Variants in MYH4 observed in about 807,000 individuals in gnomAD.
The protein encoded by MYH4 is myosin heavy chain 4, also known as myosin-4.
Under a neutral mutation model 229.9 loss-of-function variants are expected in MYH4, and 200 were observed. The ratio of observed to expected loss-of-function variants is 0.87; its 90% CI spans 0.78 to 0.98. MYH4 has a LOEUF of 0.98. Among genes scored for constraint, MYH4 ranks in the 50% least tolerant of loss-of-function variants. The probability of loss-of-function intolerance (pLI) is 0.00; values close to 1 mark genes in which losing one functional copy is unlikely to be tolerated. For missense variants in MYH4, 2,148 were observed against 2,332.6 expected, an observed-to-expected ratio of 0.92 and a Z score of 1.63; for synonymous variants, 761 against 834.6, an observed-to-expected ratio of 0.91 and a Z score of 1.52.
chr17:10,447,592 C>T (rs1430522702), intron 34 of MYH4, among the ~76,000 whole-genome samples: 1 of 152,180 alleles, frequency 6.6e-6, no homozygotes, highest in Non-Finnish European at 1.5e-5. Flanking sequence ...TCCTCTATCT[C>T]CCTACCCCTC....
In MYH4 at chr17:10,465,713, T is replaced by G. The variant is rs2072756553; in HGVS notation, c.349-115A>C. The stretch of plus-strand genomic sequence containing the variant: ...AGTACTGTGTTAGTTCTCATAAAGT[T>G]TCATTCATTTGTTGCCTCCTTCCAT... On this transcript the variant is annotated intron_variant, in intron 4 of 39. Coordinates refer to ENST00000255381, the MANE Select transcript of MYH4 (RefSeq NM_017533.2). 6.7e-6 allele frequency: 9 copies of G among 1,345,634 alleles called. No individual in the cohort carries two copies. In the South Asian group the frequency reaches 1.4e-4, roughly 20 times the overall value. 83.4% of individuals were successfully genotyped at this position (1,345,634 alleles called of 1,614,324 possible). A position where few individuals can be genotyped will look rare whatever the true frequency, so the allele number is the denominator to read the frequency against.
chr17:10,459,177 A>G lies in MYH4; in HGVS notation c.1587+74T>C, dbSNP rs556935264. 74 of 1,610,196 alleles carry G rather than the reference A, an allele frequency of 4.6e-5. No homozygotes were observed. The African/African-American group carries it at 8.3e-4, about 18-fold the overall frequency. Reference sequence around the variant, plus strand: ...ACAGCACTGCTTGTTCTTTGAGAACAGGGAGTGTGATTAAGCACAGGGAGG... The same window carrying G: ...ACAGCACTGCTTGTTCTTTGAGAACGGGGAGTGTGATTAAGCACAGGGAGG... On this transcript the variant is annotated intron_variant, in intron 15 of 39. Coordinates refer to ENST00000255381, the MANE Select transcript of MYH4 (RefSeq NM_017533.2).
In MYH4 at chr17:10,463,112, G is replaced by A; in HGVS notation, c.882C>T (p.Ser294=). The A allele has an allele frequency of 6.2e-7, 1 of 1,613,070 alleles. No homozygotes were observed. Among genetic ancestry groups the A allele is most frequent in the South Asian group, 1.1e-5 (1 of 91,016 alleles). ...TACCAATGAGCTCTGGTTTCTTATTGGACAGGATTTGATAAAATATGTGGT... is the reference window on the plus strand; with the variant it reads ...TACCAATGAGCTCTGGTTTCTTATTAGACAGGATTTGATAAAATATGTGGT... The part of the protein sequence containing the change: ...RSYHIFYQIL[S]NKKPELIEML... The change falls in exon 10 of 40, where the codon TCC becomes TCT. Residue 294 remains serine (S), a synonymous_variant. Coordinates refer to ENST00000255381, the MANE Select transcript of MYH4 (RefSeq NM_017533.2).
At chr17:10,467,303 T>G (rs1002498529) in intron 2 of MYH4, among the ~76,000 whole-genome samples, 1 of 152,340 alleles carries the variant, frequency 6.6e-6, no homozygotes, top group Admixed American at 6.5e-5. Flanking sequence ...TAAAATTGAA[T>G]GTAGACAGAT....
intron 30 of MYH4, among the ~76,000 whole-genome samples, chr17:10,449,876 T>A: frequency 6.6e-6 from 1 of 152,192 alleles, no homozygotes; most frequent in East Asian, 1.9e-4. Context: ...ACTACTGAGA[T>A]AAATTAAATT....
Position 10,447,745 on chromosome 17 carries a change from G to T in MYH4, c.4965+73C>A, listed in dbSNP as rs1020526783. ...AGGTGATTTATGACACATAGTCCTCGTAAAACATTAAAATTTGAGTTACAC... is the reference window on the plus strand; with the variant it reads ...AGGTGATTTATGACACATAGTCCTCTTAAAACATTAAAATTTGAGTTACAC... On this transcript the variant is annotated intron_variant, in intron 34 of 39. Coordinates refer to ENST00000255381, the MANE Select transcript of MYH4 (RefSeq NM_017533.2). The T allele has an allele frequency of 2.8e-6, 4 of 1,411,200 alleles. No individual in the cohort carries two copies. In the African/African-American group the frequency reaches 5.7e-5, roughly 20 times the overall value. 87.4% of individuals were successfully genotyped at this position (1,411,200 alleles called of 1,614,324 possible).
At chr17:10,467,847 G>A (rs1284695375) in intron 2 of MYH4, among the ~76,000 whole-genome samples, 4 of 152,208 alleles carry the variant, frequency 2.6e-5, no homozygotes. Context: ...CAAGGACAGG[G>A]TGAGTGGCCA....
In MYH4 at chr17:10,450,457, C is replaced by A. The variant is rs745617121; in HGVS notation, c.4177G>T (p.Ala1393Ser). The A allele has an allele frequency of 3.1e-6, 5 of 1,613,968 alleles. No homozygotes were observed. In the South Asian group the frequency reaches 5.5e-5, roughly 18 times the overall value. ...AIQRTEELEE[A>S]KKKLAQRLQD... The stretch of plus-strand genomic sequence containing the variant: ...CCCTGCACTAAAAGCACATACTTGG[C>A]CTCCTCCAGCTCCTCTGTGCGCTGG... Residue 1393 changes from alanine to serine, a missense_variant, in exon 30 of 40, where the codon GCC (alanine) becomes TCC (serine). Transcript: ENST00000255381.
chr17:10,455,404 A>G, intron 19 of MYH4, 109 bp from the exon 20 acceptor site: 3 of 1,360,646 alleles, frequency 2.2e-6, no homozygotes, highest in Non-Finnish European at 3.0e-6. Context: ...TTGGTGAACA[A>G]AATGCCATTT....
intron 35 of MYH4, among the ~76,000 whole-genome samples, chr17:10,446,215 T>C (rs538912424): frequency 1.3e-5 from 2 of 152,024 alleles, no homozygotes; most frequent in Non-Finnish European, 2.9e-5. Flanking sequence ...ACTTCTATAA[T>C]AGTTATGTTT....
At position 10,463,577 on chromosome 17, in the gene MYH4, C is replaced by A; in HGVS notation, c.715G>T (p.Val239Leu). The A allele has an allele frequency of 6.2e-7, 1 of 1,613,486 alleles. No individual in the cohort carries two copies. Among genetic ancestry groups the A allele is most frequent in the South Asian group, 1.1e-5 (1 of 91,032 alleles). ...AAGCGAGAGGAGTTGTCATTCCTCA[C>A]GGTCTTGGCATTGCCGAAGGCTTCC... ...LLEAFGNAKT[V>L]RNDNSSRFGK... Residue 239 changes from valine to leucine, a missense_variant, in exon 8 of 40, where the codon GTG (valine) becomes TTG (leucine). By Grantham distance (32) the Val-to-Leu change is conservative. Transcript: ENST00000255381.
intron 28 of MYH4, among the ~76,000 whole-genome samples, 198 bp downstream of exon 28, chr17:10,451,128 C>T (rs750795391): frequency 3.9e-5 from 6 of 152,128 alleles, no homozygotes; most frequent in Non-Finnish European, 7.4e-5. Context: ...CTCCTGAGCC[C>T]AGGGAGCTTA....
In MYH4 at chr17:10,443,380, C is replaced by T; in HGVS notation, c.5815G>A (p.Glu1939Lys). Reference protein sequence around the residue: ...REVHTKVISEE With the variant: ...REVHTKVISEK ...TTTTCTTTCATTAGAATGAATTACT[C>T]TTCACTTATGACTTTTGTGTGAACC... Residue 1939 changes from glutamate (E) to lysine (K), a missense_variant, in exon 40 of 40, where the codon GAG (glutamate) becomes AAG (lysine). Coordinates refer to ENST00000255381, the MANE Select transcript of MYH4 (RefSeq NM_017533.2). The surrounding 1 kb of genome is among the most constrained non-coding windows in gnomAD (Gnocchi z 4.6). 6.2e-7 allele frequency: 1 copy of T among 1,613,832 alleles called. No homozygotes were observed. The highest frequency in any genetic ancestry group is 8.5e-7 in the Non-Finnish European group (1 of 1,179,938).
At position 10,448,470 on chromosome 17, in the gene MYH4, G is replaced by A. The variant is rs747887981; in HGVS notation, c.4582C>T (p.His1528Tyr). Reference sequence around the variant, plus strand: ...TGTTTCTTTACTTTCTCCAGTTCATGGATATGCTTTCCACCCTCTGCAATT... The same window carrying A: ...TGTTTCTTTACTTTCTCCAGTTCATAGATATGCTTTCCACCCTCTGCAATT... ...EQIAEGGKHI[H>Y]ELEKVKKQLD... Residue 1528 changes from histidine (H) to tyrosine (Y), a missense_variant, in exon 33 of 40, where the codon CAT becomes TAT. His to Tyr is a moderately conservative substitution (Grantham distance 83, BLOSUM62 2). Transcript: ENST00000255381. The A allele has an allele frequency of 3.7e-6, 6 of 1,613,894 alleles. No individual in the cohort carries two copies. The highest frequency in any genetic ancestry group is 4.2e-6 in the Non-Finnish European group (5 of 1,179,866).
In MYH4 at chr17:10,444,488, C is replaced by T; in HGVS notation, c.5667+116G>A. The T allele has an allele frequency of 4.2e-6, 3 of 719,330 alleles. 1 individual carries two copies. The highest frequency in any genetic ancestry group is 3.9e-5 in the South Asian group (2 of 51,328). The allele number at this position is 719,330 out of a possible 1,614,324, so 44.6% of individuals were successfully genotyped here. ...TTTTCTCATTCTAAATATTCATGTT[C>T]ATACCTAATTATGTATTCCCAATTT... On this transcript the variant is annotated intron_variant, in intron 39 of 39. Transcript: ENST00000255381.
At chr17:10,464,404 A>G (rs2072737640) in intron 7 of MYH4, 68 bp downstream of exon 7, 1 of 1,290,272 alleles carries the variant, frequency 7.8e-7, no homozygotes, top group African/African-American at 1.5e-5. Flanking sequence ...TATACAGTCT[A>G]CTGTTGATGT....
At chr17:10,457,750 A>T in intron 15 of MYH4, 21 bp from the exon 16 acceptor site, 1 of 1,600,446 alleles carries the variant, frequency 6.2e-7, no homozygotes, top group Non-Finnish European at 8.5e-7. Flanking sequence ...GAAAAAAGGG[A>T]TGATAATGAT....
At chr17:10,446,027 CAAAA>C (rs35896304) in intron 35 of MYH4, among the ~76,000 whole-genome samples, 49 of 68,562 alleles carry the variant, frequency 7.1e-4, no homozygotes, top group African/African-American at 2.9e-3. Context: ...GACCCCTTCT[CAAAA>C]AAAAAAAAAA....
rs762757884 is a variant in MYH4 at position 10,452,282 on chromosome 17, G to A, written c.3397C>T (p.Arg1133Trp). The stretch of plus-strand genomic sequence containing the variant: ...GAGCGCTGCTTCTCTGCTTTGGCCC[G>A]GGAGGCCCGCTCTGCCTCGATTTCC... ...EEEIEAERAS[R>W]AKAEKQRSDL... Residue 1133 changes from arginine to tryptophan, a missense_variant, in exon 27 of 40, where the codon CGG becomes TGG. Arg to Trp is a moderately radical substitution (Grantham distance 101). Transcript: ENST00000255381. 2.4e-5 allele frequency: 38 copies of A among 1,613,926 alleles called. No homozygotes were observed. The highest frequency in any genetic ancestry group is 3.3e-4 in the Middle Eastern group (2 of 6,060).
Sources: gnomAD v4.1 joint callset for allele counts (sites outside exome capture counted in the v4.1 genomes callset) on GRCh38, gnomAD v4.1.1 for gene constraint, Gnocchi (gnomAD v3.1) non-coding constraint, MANE v1.5 for transcripts, NCBI Gene and HGNC (gene_info 2026-07-23, HGNC 2026-07-21) for gene names.